PNPLA3: variants seen among roughly 807,000 people sequenced by gnomAD.
PNPLA3 encodes 1-acylglycerol-3-phosphate O-acyltransferase PNPLA3.
Under a neutral mutation model 43.1 loss-of-function variants are expected in PNPLA3, and 42 were observed. The observed-to-expected ratio is 0.97, with a 90% CI of 0.76 to 1.26. PNPLA3 has a LOEUF of 1.26. Among genes scored for constraint, PNPLA3 ranks in the 50% most tolerant of loss-of-function variants. PNPLA3 has a pLI of 0.00. For synonymous variants in PNPLA3, 272 were observed against 253.6 expected, an observed-to-expected ratio of 1.07 and a Z score of -0.69; for missense variants, 647 against 621.4, an observed-to-expected ratio of 1.04 and a Z score of -0.44.
At chr22:43,926,080 T>C (rs1011580724) in intron 1 of PNPLA3, among the ~76,000 whole-genome samples, 13 of 152,186 alleles carry the variant, frequency 8.5e-5, no homozygotes, top group Non-Finnish European at 1.3e-4. Context: ...GGCTGTGCAC[T>C]TGGGGGCTGC....
chr22:43,936,987 T>C, intron 5 of PNPLA3, 64 bp from the exon 6 acceptor site: 1 of 1,352,414 alleles, frequency 7.4e-7, no homozygotes, highest in Non-Finnish European at 1.0e-6. Flanking sequence ...GTTTGGTAGA[T>C]GGGTGGGTAA....
At chr22:43,942,887 G>T (rs2050040585) in intron 7 of PNPLA3, among the ~76,000 whole-genome samples, 1 of 151,796 alleles carries the variant, frequency 6.6e-6, no homozygotes, top group South Asian at 2.1e-4. Flanking sequence ...TAAAAATTTT[G>T]TAAGATGGGA....
chr22:43,935,381 C>T (rs143246365), intron 5 of PNPLA3, among the ~76,000 whole-genome samples: 1 of 152,104 alleles, frequency 6.6e-6, no homozygotes, highest in East Asian at 1.9e-4. Context: ...CCCTTGCCAG[C>T]CTTGTGAGAG....
chr22:43,925,356 T>C (rs1443994486), intron 1 of PNPLA3, among the ~76,000 whole-genome samples: 3 of 152,140 alleles, frequency 2.0e-5, no homozygotes, highest in Non-Finnish European at 2.9e-5. Flanking sequence ...GTATGCTTCC[T>C]GGGAATTTGT....
At chr22:43,929,812 G>A (rs1271564852) in intron 3 of PNPLA3, among the ~76,000 whole-genome samples, 1 of 151,984 alleles carries the variant, frequency 6.6e-6, no homozygotes, top group Non-Finnish European at 1.5e-5. Flanking sequence ...GGCCAGGCTG[G>A]TCTCCAACTC....
chr22:43,946,831 G>A lies in PNPLA3; in HGVS notation c.*449G>A, dbSNP rs1166572744. 8.7e-5 allele frequency: 41 copies of A among 469,082 alleles called. No homozygotes were observed. The highest frequency in any genetic ancestry group is 1.3e-4 in the Non-Finnish European group (30 of 236,340). 29.1% of individuals were successfully genotyped at this position (469,082 alleles called of 1,614,324 possible). The stretch of plus-strand genomic sequence containing the variant: ...CATGCTGTGGGAAGGGGTGCAGTTC[G>A]TCCCCAAGAACGACACTGCCTGTCA... On this transcript the variant is annotated 3_prime_UTR_variant, in exon 9 of 9. Transcript: ENST00000216180.
Position 43,937,123 on chromosome 22 carries a change from G to A in PNPLA3, c.830G>A (p.Ser277Asn). 1.2e-6 allele frequency: 2 copies of A among 1,614,158 alleles called. No individual in the cohort carries two copies. Among genetic ancestry groups the A allele is most frequent in the Non-Finnish European group, 1.7e-6 (2 of 1,180,048 alleles). ...EGMDPEVAMPSWANMSLDSSP... is the reference protein window; with the variant it reads ...EGMDPEVAMPNWANMSLDSSP... ...ATGGATCCTGAGGTCGCCATGCCCA[G>A]CTGGGCAAACATGAGTCTGGATTCT... Residue 277 changes from serine (S) to asparagine (N), a missense_variant, in exon 6 of 9, where the codon AGC (serine) becomes AAC (asparagine). Transcript: ENST00000216180.
At chr22:43,943,306 C>T (rs560048573) in intron 7 of PNPLA3, among the ~76,000 whole-genome samples, 1 of 152,092 alleles carries the variant, frequency 6.6e-6, no homozygotes, top group African/African-American at 2.4e-5. Flanking sequence ...GGTTTTTTCC[C>T]ATATAGCAAC....
At chr22:43,939,119 T>C (rs949567447) in intron 6 of PNPLA3, among the ~76,000 whole-genome samples, 4 of 152,078 alleles carry the variant, frequency 2.6e-5, no homozygotes, top group African/African-American at 9.7e-5. Flanking sequence ...AGAGACAGGG[T>C]TTCACCATGT....
At chr22:43,940,782 C>T (rs1462847253) in intron 7 of PNPLA3, among the ~76,000 whole-genome samples, 1 of 151,976 alleles carries the variant, frequency 6.6e-6, no homozygotes, top group African/African-American at 2.4e-5. Flanking sequence ...GCACTCCAGC[C>T]TGGGTGACAG....
chr22:43,940,885 A>G lies in PNPLA3; in HGVS notation c.1112+760A>G, dbSNP rs541675098. On this transcript the variant is annotated intron_variant, in intron 7 of 8. Transcript: ENST00000216180. Reference sequence around the variant, plus strand: ...GCCGGGCACGGTGGCTCACACCTGTAATCCCAGCGCTTTGGGAGGCCGAGG... The same window carrying G: ...GCCGGGCACGGTGGCTCACACCTGTGATCCCAGCGCTTTGGGAGGCCGAGG... Among the ~76,000 whole-genome samples the G allele has an allele frequency of 3.9e-5, 6 of 151,998 alleles. No homozygotes were observed. The East Asian group carries it at 1.2e-3, about 29-fold the overall frequency.
At chr22:43,931,262 T>C (rs1454482161) in intron 3 of PNPLA3, among the ~76,000 whole-genome samples, 1 of 152,212 alleles carries the variant, frequency 6.6e-6, no homozygotes, top group African/African-American at 2.4e-5. Context: ...AACCCATTAT[T>C]CTTCAAATTC....
intron 7 of PNPLA3, 79 bp downstream of exon 7, chr22:43,940,204 T>C: frequency 4.7e-6 from 7 of 1,493,010 alleles, no homozygotes; most frequent in Non-Finnish European, 6.5e-6. Flanking sequence ...CATGGTGGCA[T>C]GTAGTCTGGG....
At chr22:43,944,640 C>G in intron 7 of PNPLA3, 51 bp from the exon 8 acceptor site, 2 of 1,439,350 alleles carry the variant, frequency 1.4e-6, no homozygotes. Context: ...GTGTTGTAAG[C>G]TGTTGTGTCT....
intron 5 of PNPLA3, among the ~76,000 whole-genome samples, chr22:43,936,243 A>G (rs945325902): frequency 2.0e-5 from 3 of 151,910 alleles, no homozygotes; most frequent in Non-Finnish European, 4.4e-5. Flanking sequence ...GACATCTCGG[A>G]GGGTGAGGAG....
chr22:43,929,078 T>G (rs2049944759), intron 3 of PNPLA3, among the ~76,000 whole-genome samples, 189 bp downstream of exon 3: 1 of 152,216 alleles, frequency 6.6e-6, no homozygotes, highest in South Asian at 2.1e-4. Context: ...GCAGCAAAAC[T>G]TACTGCATGT....
intron 7 of PNPLA3, among the ~76,000 whole-genome samples, chr22:43,942,082 G>C (rs1178950305): frequency 6.6e-6 from 1 of 152,182 alleles, no homozygotes; most frequent in Non-Finnish European, 1.5e-5. Flanking sequence ...TTCTGAAAGG[G>C]AGGGAATGAG....
chr22:43,943,599 G>T (rs189061666), intron 7 of PNPLA3, among the ~76,000 whole-genome samples: 5 of 152,006 alleles, frequency 3.3e-5, no homozygotes, highest in Non-Finnish European at 4.4e-5. Context: ...CTCCTTCCTC[G>T]TTGCTCTTGC....
intron 3 of PNPLA3, among the ~76,000 whole-genome samples, chr22:43,932,033 C>T (rs1323604910): frequency 1.3e-5 from 2 of 152,036 alleles, no homozygotes; most frequent in Non-Finnish European, 2.9e-5. Context: ...CTGGGGAGAG[C>T]CTCCCAGCTG....
Sources: allele counts gnomAD v4.1 joint callset (sites outside exome capture counted in the v4.1 genomes callset), GRCh38; gene constraint gnomAD v4.1.1; transcripts MANE v1.5; gene names NCBI Gene and HGNC (gene_info 2026-07-23, HGNC 2026-07-21).